Variants in WDR27 observed in about 807,000 individuals in gnomAD.
WDR27 encodes the protein WD repeat-containing protein 27.
In WDR27, 100 loss-of-function variants were observed where a neutral mutation model predicts 114.4. That is an observed-to-expected ratio of 0.87 (90% CI 0.74 to 1.03). The LOEUF (loss-of-function observed/expected upper bound fraction) is 1.03, where lower values mean the gene tolerates loss of function less well. Ranked by LOEUF, WDR27 falls within the 50% of genes least tolerant of loss-of-function variation. The probability of loss-of-function intolerance (pLI) is 0.00; values close to 1 mark genes in which losing one functional copy is unlikely to be tolerated. For synonymous variants in WDR27, 449 were observed against 423.1 expected, an observed-to-expected ratio of 1.06 and a Z score of -0.75; for missense variants, 1,129 against 1,092.9, an observed-to-expected ratio of 1.03 and a Z score of -0.47.
intron 25 of WDR27, among the ~76,000 whole-genome samples, chr6:169,569,832 C>CT (rs1163531556): frequency 6.6e-6 from 1 of 152,172 alleles, no homozygotes; most frequent in Non-Finnish European, 1.5e-5. Flanking sequence ...CCACTAAAAT[C>CT]TTTTCCAGTC....
At chr6:169,437,453 C>A in the WDR27 span, among the ~76,000 whole-genome samples, 1 of 151,986 alleles carries the variant, frequency 6.6e-6, no homozygotes, top group Non-Finnish European at 1.5e-5. Flanking sequence ...TGAAGTAGAG[C>A]TTTTTCTTAT....
intron 23 of WDR27, among the ~76,000 whole-genome samples, chr6:169,593,772 C>T (rs543993232): frequency 6.6e-6 from 1 of 152,198 alleles, no homozygotes; most frequent in East Asian, 1.9e-4. Context: ...CCTCTTGAAC[C>T]CGGGAGGCGG....
At chr6:169,556,065 T>G (rs138917135) in intron 25 of WDR27, among the ~76,000 whole-genome samples, 323 of 152,314 alleles carry the variant, frequency 2.1e-3, no homozygotes, top group African/African-American at 6.6e-3. Context: ...GCATGTGTGA[T>G]GAACCAAGGC....
At chr6:169,469,042 C>A (rs1785982343) in intron 25 of WDR27, among the ~76,000 whole-genome samples, 1 of 152,184 alleles carries the variant, frequency 6.6e-6, no homozygotes, top group African/African-American at 2.4e-5. Context: ...TCCTAAAAGG[C>A]CTATATCCAA....
At chr6:169,621,360 G>A (rs1036023215) in intron 21 of WDR27, among the ~76,000 whole-genome samples, 14 of 110,452 alleles carry the variant, frequency 1.3e-4, no homozygotes, top group East Asian at 8.5e-4. Flanking sequence ...GTAGACATAC[G>A]CACACATGCA....
At chr6:169,566,987 T>C (rs986603663) in intron 25 of WDR27, among the ~76,000 whole-genome samples, 3 of 152,170 alleles carry the variant, frequency 2.0e-5, no homozygotes, top group Non-Finnish European at 4.4e-5. Flanking sequence ...GCATCCCACA[T>C]AGAGACACCT....
At chr6:169,695,106 A>G (rs1042988217) in intron 1 of WDR27, among the ~76,000 whole-genome samples, 2 of 152,264 alleles carry the variant, frequency 1.3e-5, no homozygotes, top group African/African-American at 4.8e-5. Context: ...GTATAAAAAT[A>G]TCAAGAAGGG....
At chr6:169,491,911 T>G (rs992536053) in intron 25 of WDR27, among the ~76,000 whole-genome samples, 1 of 151,882 alleles carries the variant, frequency 6.6e-6, no homozygotes, top group Non-Finnish European at 1.5e-5. Context: ...TAGGAAGAGA[T>G]AAGCTGAGAA....
chr6:169,437,452 G>A, the WDR27 span, among the ~76,000 whole-genome samples: 1 of 152,068 alleles, frequency 6.6e-6, no homozygotes, highest in Non-Finnish European at 1.5e-5. Context: ...CTGAAGTAGA[G>A]CTTTTTCTTA....
chr6:169,583,510 T>TACACAC (rs1432216672), intron 23 of WDR27, among the ~76,000 whole-genome samples: 3 of 29,914 alleles, frequency 1.0e-4, no homozygotes, highest in Admixed American at 1.9e-4. Flanking sequence ...TATATGTATA[T>TACACAC]ATACACACAC....
rs772082163 is a variant in WDR27, at chr6:169,660,767, C to T, written c.1026-1G>A. 1 of 1,612,766 alleles carries T rather than the reference C, an allele frequency of 6.2e-7. No individual in the cohort carries two copies. The highest frequency in any genetic ancestry group is 8.5e-7 in the Non-Finnish European group (1 of 1,179,446). On this transcript the variant is annotated splice_acceptor_variant, in intron 9 of 25. Coordinates refer to ENST00000448612, the MANE Select transcript of WDR27 (RefSeq NM_182552.5). LOFTEE classifies it high-confidence loss of function. Reference sequence around the variant, plus strand: ...ACATCGGGTGTTCTCAGAAGAAAGACTGATTTAAGGAAAAAAAGAAAAGAA... The same window carrying T: ...ACATCGGGTGTTCTCAGAAGAAAGATTGATTTAAGGAAAAAAAGAAAAGAA...
At chr6:169,432,037 C>CT in the WDR27 span, among the ~76,000 whole-genome samples, 8 of 152,110 alleles carry the variant, frequency 5.3e-5, no homozygotes, top group Admixed American at 2.6e-4. Flanking sequence ...TCTAAACTTT[C>CT]TTTTTTTCAA....
chr6:169,657,209 C>T (rs888570744), intron 13 of WDR27, among the ~76,000 whole-genome samples: 2 of 152,236 alleles, frequency 1.3e-5, no homozygotes, highest in African/African-American at 4.8e-5. Flanking sequence ...AAAGCTCTCC[C>T]CGATCTGCAA....
chr6:169,503,956 A>C (rs1791675112), intron 25 of WDR27, among the ~76,000 whole-genome samples: 1 of 152,266 alleles, frequency 6.6e-6, no homozygotes, highest in South Asian at 2.1e-4. Context: ...ATTCTGGTTT[A>C]AATTAGGAGC....
At chr6:169,575,233 CCTCT>C (rs992505200) in intron 24 of WDR27, among the ~76,000 whole-genome samples, 2 of 112,056 alleles carry the variant, frequency 1.8e-5, no homozygotes, top group Admixed American at 1.0e-4. Flanking sequence ...CATCTCTCTC[CCTCT>C]CTATCCATCC....
chr6:169,694,995 C>T (rs950716373), intron 1 of WDR27, among the ~76,000 whole-genome samples: 2 of 152,198 alleles, frequency 1.3e-5, no homozygotes, highest in African/African-American at 2.4e-5. Flanking sequence ...CACTGAGTCC[C>T]GGCCAGCAGA....
At chr6:169,531,595 C>T (rs982736218) in intron 25 of WDR27, among the ~76,000 whole-genome samples, 1 of 151,974 alleles carries the variant, frequency 6.6e-6, no homozygotes, top group Non-Finnish European at 1.5e-5. Context: ...CTGCAATCGA[C>T]ATGAAATCAC....
chr6:169,664,096 C>A, intron 8 of WDR27, 70 bp downstream of exon 8: 1 of 1,389,916 alleles, frequency 7.2e-7, no homozygotes, highest in East Asian at 2.4e-5. Flanking sequence ...TGACCTAGGG[C>A]CCTTGACATG....
At chr6:169,610,257 A>T (rs925110023) in intron 22 of WDR27, among the ~76,000 whole-genome samples, 7 of 151,668 alleles carry the variant, frequency 4.6e-5, no homozygotes, top group Admixed American at 4.6e-4. Flanking sequence ...GCAGCACCCC[A>T]CTCTACTGGT....
Sources: gnomAD v4.1 joint callset for allele counts (sites outside exome capture counted in the v4.1 genomes callset) on GRCh38, gnomAD v4.1.1 for gene constraint, MANE v1.5 for transcripts, NCBI Gene and HGNC (gene_info 2026-07-23, HGNC 2026-07-21) for gene names.